WSCD2: variants seen among roughly 807,000 people sequenced by gnomAD.
WSCD2 encodes the protein sialate:O-sulfotransferase 2.
WSCD2 carries 28 observed loss-of-function variants against 55.7 expected under a neutral mutation model. The ratio of observed to expected loss-of-function variants is 0.50; its 90% CI spans 0.37 to 0.69. The LOEUF (loss-of-function observed/expected upper bound fraction) is 0.69. Ranked by LOEUF, WSCD2 falls within the 30% of genes least tolerant of loss-of-function variation. The pLI, the probability that WSCD2 is intolerant of heterozygous loss-of-function variation, is 0.00. For synonymous variants in WSCD2, 301 were observed against 301.9 expected, an observed-to-expected ratio of 1.00 and a Z score of 0.03; for missense variants, 616 against 762.1, an observed-to-expected ratio of 0.81 and a Z score of 2.26.
At chr12:108,167,871 A>G (rs1565929737) in intron 1 of WSCD2, among the ~76,000 whole-genome samples, 1 of 152,184 alleles carries the variant, frequency 6.6e-6, no homozygotes, top group Non-Finnish European at 1.5e-5. Flanking sequence ...TTTGGAGGTG[A>G]GTGTTGGGTC....
intron 1 of WSCD2, among the ~76,000 whole-genome samples, chr12:108,164,138 C>CTTTTTTTTTTTTTT: frequency 0.069 from 4,939 of 71,688 alleles, 2,136 homozygotes; most frequent in Middle Eastern, 0.12. Flanking sequence ...AATCTTAAAT[C>CTTTTTTTTTTTTTT]CTTTTTTTTT....
intron 1 of WSCD2, among the ~76,000 whole-genome samples, chr12:108,138,043 T>G (rs1280921716): frequency 6.6e-6 from 1 of 152,216 alleles, no homozygotes; most frequent in Non-Finnish European, 1.5e-5. Flanking sequence ...CTACAACTGC[T>G]GCAGAAACCC....
At chr12:108,239,802 C>A (rs1164916492) in intron 7 of WSCD2, among the ~76,000 whole-genome samples, 18 of 152,214 alleles carry the variant, frequency 1.2e-4, no homozygotes, top group Admixed American at 1.1e-3. Flanking sequence ...GCAGCCTCAA[C>A]CTTCTAGCTC....
At chr12:108,227,878 T>C (rs971225908) in intron 6 of WSCD2, among the ~76,000 whole-genome samples, 1 of 151,780 alleles carries the variant, frequency 6.6e-6, no homozygotes, top group Non-Finnish European at 1.5e-5. Flanking sequence ...ATGATGAAAG[T>C]GATGATGACG....
At chr12:108,204,063 T>C (rs993511411) in intron 2 of WSCD2, among the ~76,000 whole-genome samples, 2 of 152,218 alleles carry the variant, frequency 1.3e-5, no homozygotes, top group Non-Finnish European at 2.9e-5. Context: ...GGTAAACAGA[T>C]AGAAGAGTCA....
intron 1 of WSCD2, among the ~76,000 whole-genome samples, chr12:108,145,569 G>A (rs921241482): frequency 5.3e-5 from 8 of 152,156 alleles, no homozygotes; most frequent in African/African-American, 1.7e-4. Flanking sequence ...CAACTGCTTT[G>A]CAAAACTGTT....
chr12:108,174,297 T>C (rs146443840), intron 1 of WSCD2, among the ~76,000 whole-genome samples: 17 of 152,302 alleles, frequency 1.1e-4, no homozygotes, highest in African/African-American at 3.6e-4. Context: ...CTGCCTTACA[T>C]AGAGTATTAT....
chr12:108,192,262 T>C (rs754535685), intron 1 of WSCD2, among the ~76,000 whole-genome samples: 2 of 152,190 alleles, frequency 1.3e-5, no homozygotes, highest in Non-Finnish European at 2.9e-5. Flanking sequence ...ACATACTTTT[T>C]AGGGGAGAAG....
In WSCD2 at chr12:108,210,499, C is replaced by T. The variant is rs373261723; in HGVS notation, c.682+194C>T. Reference sequence around the variant, plus strand: ...GCCCCAGCTCCTTTGAATGGTCCTGCATGCGCTTTTCTCTCCCTCCCACTG... The same window carrying T: ...GCCCCAGCTCCTTTGAATGGTCCTGTATGCGCTTTTCTCTCCCTCCCACTG... On this transcript the variant is annotated intron_variant, in intron 4 of 8. Transcript: ENST00000547525. The surrounding 1 kb of genome is among the most constrained non-coding windows in gnomAD (Gnocchi z 4.3). 1.1e-4 allele frequency among the ~76,000 whole-genome samples: 17 copies of T among 152,290 alleles called. No individual in the cohort carries two copies. In the East Asian group the frequency reaches 3.1e-3, roughly 28 times the overall value.
chr12:108,161,684 C>A (rs773900522), intron 1 of WSCD2, among the ~76,000 whole-genome samples: 1 of 152,272 alleles, frequency 6.6e-6, no homozygotes, highest in Non-Finnish European at 1.5e-5. Context: ...GTTGGCAGCC[C>A]GGCTTAGCAC....
Position 108,194,836 on chromosome 12 carries a change from G to T in WSCD2, c.-551-446G>T, listed in dbSNP as rs151053411. 1.6e-3 allele frequency among the ~76,000 whole-genome samples: 237 copies of T among 152,244 alleles called. 3 individuals are homozygous for T. The highest frequency in any genetic ancestry group is 5.2e-3 in the African/African-American group (218 of 41,546). On this transcript the variant is annotated intron_variant, in intron 1 of 8. Coordinates refer to ENST00000547525, the MANE Select transcript of WSCD2 (RefSeq NM_014653.4). ...TCACACAAAGTAGGTCTCACTGAGT[G>T]TTTGTTGGGAAAAAAAATGAATGAA...
chr12:108,205,531 G>GATTTATA lies in WSCD2; in HGVS notation c.383-754_383-748dup, dbSNP rs199771316. Among the ~76,000 whole-genome samples the GATTTATA allele has an allele frequency of 5.8e-3, 879 of 152,234 alleles. 5 individuals are homozygous for GATTTATA. Among genetic ancestry groups the GATTTATA allele is most frequent in the African/African-American group, 0.02 (844 of 41,518 alleles). ...ACTACTTTAAGAAAACTAAGTGTATGATTTATAATTGGATGGTTATTTCAC... is the reference window on the plus strand; with the variant it reads ...ACTACTTTAAGAAAACTAAGTGTATGATTTATAATTTATAATTGGATGGTTATTTCAC... On this transcript the variant is annotated intron_variant, in intron 2 of 8. Transcript: ENST00000547525.
intron 1 of WSCD2, among the ~76,000 whole-genome samples, chr12:108,137,685 T>C (rs755599515): frequency 4.6e-5 from 7 of 152,264 alleles, no homozygotes; most frequent in Non-Finnish European, 1.0e-4. Context: ...GCCTCTGTGC[T>C]GGCCCCAAGA....
In WSCD2 at chr12:108,142,553, C is replaced by T. The variant is rs149064056; in HGVS notation, c.-552+12627C>T. Among the ~76,000 whole-genome samples the T allele has an allele frequency of 2.1e-4, 32 of 152,328 alleles. No homozygotes were observed. The East Asian group carries it at 6.2e-3, about 29-fold the overall frequency. On this transcript the variant is annotated intron_variant, in intron 1 of 8. Coordinates refer to ENST00000547525, the MANE Select transcript of WSCD2 (RefSeq NM_014653.4). ...CTTCAATCTCCTTGGCCTCTGATTCCTCATATACATGAGTAAAATAGAAAT... is the reference window on the plus strand; with the variant it reads ...CTTCAATCTCCTTGGCCTCTGATTCTTCATATACATGAGTAAAATAGAAAT...
chr12:108,241,144 C>G (rs988099370), intron 8 of WSCD2, among the ~76,000 whole-genome samples: 1 of 152,112 alleles, frequency 6.6e-6, no homozygotes, highest in African/African-American at 2.4e-5. Flanking sequence ...CTCTGGGTGG[C>G]GAGGCTCAGA....
At chr12:108,157,724 T>C (rs546724791) in intron 1 of WSCD2, among the ~76,000 whole-genome samples, 35 of 152,290 alleles carry the variant, frequency 2.3e-4, no homozygotes, top group Non-Finnish European at 4.0e-4. Context: ...GGTGAGCTCC[T>C]GCAGTTGTTC....
At chr12:108,212,367 T>C (rs1013818546) in intron 4 of WSCD2, among the ~76,000 whole-genome samples, 4 of 152,178 alleles carry the variant, frequency 2.6e-5, no homozygotes, top group African/African-American at 9.7e-5. Context: ...TCCTAGTGGA[T>C]GAAGCTGAGA....
intron 1 of WSCD2, among the ~76,000 whole-genome samples, chr12:108,143,244 C>T (rs1427683036): frequency 6.6e-6 from 1 of 152,222 alleles, no homozygotes; most frequent in Non-Finnish European, 1.5e-5. Context: ...TCTGAAAGCC[C>T]AGTTCCAGCA....
intron 4 of WSCD2, among the ~76,000 whole-genome samples, chr12:108,218,644 T>TG (rs1887120928): frequency 6.6e-6 from 1 of 152,188 alleles, no homozygotes; most frequent in Non-Finnish European, 1.5e-5. Flanking sequence ...TTCAATTATT[T>TG]GGGGCCATGC....
Sources: allele counts gnomAD v4.1 joint callset (sites outside exome capture counted in the v4.1 genomes callset), GRCh38; gene constraint gnomAD v4.1.1; non-coding constraint Gnocchi (gnomAD v3.1); transcripts MANE v1.5; gene names NCBI Gene and HGNC (gene_info 2026-07-23, HGNC 2026-07-21).